The following PRKCSH variants were observed in gnomAD, a reference collection of about 807,000 sequenced individuals.
PRKCSH encodes glucosidase 2 subunit beta.
A neutral mutation model predicts 79.7 loss-of-function variants in PRKCSH; 42 were observed. That is an observed-to-expected ratio of 0.53 (90% CI 0.41 to 0.68). PRKCSH has a LOEUF of 0.68. PRKCSH is among the 30% of genes least tolerant of loss of function. PRKCSH has a pLI of 0.00. For missense variants in PRKCSH, 686 were observed against 709.0 expected, an observed-to-expected ratio of 0.97 and a Z score of 0.37; for synonymous variants, 325 against 288.2, an observed-to-expected ratio of 1.13 and a Z score of -1.29.
Position 11,436,426 on chromosome 19 carries a change from C to T in PRKCSH, c.117C>T (p.Cys39=). 6.2e-7 allele frequency: 1 copy of T among 1,614,214 alleles called. No homozygotes were observed. The highest frequency in any genetic ancestry group is 8.5e-7 in the Non-Finnish European group (1 of 1,180,042). Residue 39 remains cysteine (C), a synonymous_variant, in exon 3 of 18, where the codon TGC becomes TGT. Coordinates refer to ENST00000677123, the MANE Select transcript of PRKCSH (RefSeq NM_001289104.2). ...HFYDESKPFT[C]LDGSATIPFD... is the part of the protein sequence containing the mutation. Reference sequence around the variant, plus strand: ...ACGATGAGTCCAAGCCTTTCACCTGCCTGGACGGTTCGGCCACCATCCCAT... The same window carrying T: ...ACGATGAGTCCAAGCCTTTCACCTGTCTGGACGGTTCGGCCACCATCCCAT...
At position 11,447,668 on chromosome 19, in the gene PRKCSH, C is replaced by A; in HGVS notation, c.1030-25C>A. Reference sequence around the variant, plus strand: ...GACAGAGAGGGTGGGGGAAGGGCTACTCACTGACCCTGCCCCTGCCCCAGG... The same window carrying A: ...GACAGAGAGGGTGGGGGAAGGGCTAATCACTGACCCTGCCCCTGCCCCAGG... On this transcript the variant is annotated intron_variant, in intron 11 of 17. Coordinates refer to ENST00000677123, the MANE Select transcript of PRKCSH (RefSeq NM_001289104.2). The surrounding 1 kb of genome is among the most constrained non-coding windows in gnomAD (Gnocchi z 5.6). 1 of 1,563,670 alleles carries A rather than the reference C, an allele frequency of 6.4e-7. No homozygotes were observed. The highest frequency in any genetic ancestry group is 8.7e-7 in the Non-Finnish European group (1 of 1,153,600).
At chr19:11,441,931 G>C (rs1047782417) in intron 6 of PRKCSH, among the ~76,000 whole-genome samples, 3 of 152,202 alleles carry the variant, frequency 2.0e-5, no homozygotes, top group African/African-American at 7.2e-5. Context: ...TTCTTGCCCA[G>C]TTCCTCTCCC....
rs2144857761 is a variant in PRKCSH, at chr19:11,449,684, AG to A, written c.*16+258del. 5.8e-6 allele frequency: 3 copies of A among 514,414 alleles called. No homozygotes were observed. Among genetic ancestry groups the A allele is most frequent in the South Asian group, 4.1e-5 (2 of 48,852 alleles). 31.9% of individuals were successfully genotyped at this position (514,414 alleles called of 1,614,324 possible). A position where few individuals can be genotyped will look rare whatever the true frequency, so the allele number is the denominator to read the frequency against. On this transcript the variant is annotated intron_variant, in intron 17 of 17. Transcript: ENST00000677123. This position sits in a 1 kb window ranked among gnomAD's most constrained non-coding sequence, Gnocchi z 6.4. Reference sequence around the variant, plus strand: ...CAGCCTCCCAAGTAGCTGGGATTACAGGTGTGCACCACCATGCCTGGCTAAT... The same window carrying A: ...CAGCCTCCCAAGTAGCTGGGATTACAGTGTGCACCACCATGCCTGGCTAAT...
At chr19:11,436,707 A>G in intron 3 of PRKCSH, 1 of 574,906 alleles carries the variant, frequency 1.7e-6, no homozygotes, top group South Asian at 1.9e-5. Flanking sequence ...GGGGTCAGAG[A>G]AGGCTCCTCC....
At chr19:11,437,719 G>A (rs1470249219) in intron 3 of PRKCSH, among the ~76,000 whole-genome samples, 157 bp from the exon 4 acceptor site, 1 of 152,192 alleles carries the variant, frequency 6.6e-6, no homozygotes, top group Non-Finnish European at 1.5e-5. Flanking sequence ...TTTATTTCGA[G>A]CCCTGGCTGT....
Position 11,436,082 on chromosome 19 carries a change from A to G in PRKCSH, c.-36A>G, listed in dbSNP as rs764613768. The G allele has an allele frequency of 1.2e-6, 2 of 1,604,926 alleles. No individual in the cohort carries two copies. Among genetic ancestry groups the G allele is most frequent in the African/African-American group, 1.3e-5 (1 of 75,004 alleles). ...ATCTCCCCGCTGTAGGCTTCCTCCC[A>G]CAGAACCCGTTTCGGGCCTCAGAGC... On this transcript the variant is annotated 5_prime_UTR_variant, in exon 2 of 18. Transcript: ENST00000677123.
Position 11,442,474 on chromosome 19 carries a change from C to CAG in PRKCSH, c.566_567dup (p.Ala190ArgfsTer43), listed in dbSNP as rs749223361. ...ACAGTGAAGGAGGAAGCTGAGAAGC[C>CAG]AGAGAGAGAGGCCAAAGAGCAGCAC... On this transcript the variant is annotated frameshift_variant, in exon 7 of 18. Coordinates refer to ENST00000677123, the MANE Select transcript of PRKCSH (RefSeq NM_001289104.2). LOFTEE classifies it high-confidence loss of function. The CAG allele has an allele frequency of 6.8e-6, 11 of 1,611,940 alleles. No homozygotes were observed. Among genetic ancestry groups the CAG allele is most frequent in the Non-Finnish European group, 9.3e-6 (11 of 1,179,398 alleles).
In PRKCSH at chr19:11,449,345, T is replaced by G. The variant is rs1970477800; in HGVS notation, c.1541T>G (p.Met514Arg). 6.2e-7 allele frequency: 1 copy of G among 1,613,292 alleles called. No individual in the cohort carries two copies. Among genetic ancestry groups the G allele is most frequent in the South Asian group, 1.1e-5 (1 of 91,074 alleles). ...PSRCEYLMELMTPAACPEPPP... is the reference protein window; with the variant it reads ...PSRCEYLMELRTPAACPEPPP... ...CGCTGCGAGTACCTCATGGAGCTGA[T>G]GACGCCAGCCGCCTGCCCGGAGCCA... Residue 514 changes from methionine (M) to arginine (R), a missense_variant, in exon 17 of 18, where the codon ATG becomes AGG. Met to Arg is a moderately conservative substitution (Grantham distance 91). Transcript: ENST00000677123. This position sits in a 1 kb window ranked among gnomAD's most constrained non-coding sequence, Gnocchi z 6.4.
chr19:11,441,191 T>G, intron 5 of PRKCSH, 49 bp from the exon 6 acceptor site: 16 of 1,589,436 alleles, frequency 1.0e-5, no homozygotes, highest in Non-Finnish European at 1.4e-5. Flanking sequence ...GCAGACCTGG[T>G]GGATCCTAAG....
rs1969721597 is a variant in PRKCSH at position 11,436,174 on chromosome 19, G to T, written c.57G>T (p.Arg19Ser). Residue 19 changes from arginine (R) to serine (S), a missense_variant, in exon 2 of 18, where the codon AGG (arginine) becomes AGT (serine). Transcript: ENST00000677123. ...TGTGCTGGGCCGTGGAGGTCAAGAGGCCCCGGGGCGTCTCCCTCACCAGTG... is the reference window on the plus strand; with the variant it reads ...TGTGCTGGGCCGTGGAGGTCAAGAGTCCCCGGGGCGTCTCCCTCACCAGTG... Reference protein sequence around the residue: ...LPMCWAVEVKRPRGVSLTNHH... With the variant: ...LPMCWAVEVKSPRGVSLTNHH... 3 of 1,592,286 alleles carry T rather than the reference G, an allele frequency of 1.9e-6. No homozygotes were observed. The highest frequency in any genetic ancestry group is 2.6e-6 in the Non-Finnish European group (3 of 1,170,656).
rs547919069 is a variant in PRKCSH at position 11,436,421 on chromosome 19, A to G, written c.112A>G (p.Thr38Ala). ...CTTCTACGATGAGTCCAAGCCTTTC[A>G]CCTGCCTGGACGGTTCGGCCACCAT... ...HHFYDESKPF[T>A]CLDGSATIPF... is the part of the protein sequence containing the mutation. Residue 38 changes from threonine to alanine, a missense_variant, in exon 3 of 18, where the codon ACC becomes GCC. Around this residue, in one of 2 missense-constraint regions of PRKCSH, gnomAD observed 549 missense variants for 520.2 expected, o/e 1.06. Transcript: ENST00000677123. 151 of 1,614,128 alleles carry G rather than the reference A, an allele frequency of 9.4e-5. No individual in the cohort carries two copies. The highest frequency in any genetic ancestry group is 7.1e-5 in the Non-Finnish European group (84 of 1,180,020).
rs192334948 is a variant in PRKCSH at position 11,442,076 on chromosome 19, C to G, written c.469-310C>G. The stretch of plus-strand genomic sequence containing the variant: ...TGAAGGAACAGCATGTTTGAAGAAC[C>G]GGAGGCAGAAGAGCGTTTAGGGGTC... On this transcript the variant is annotated intron_variant, in intron 6 of 17. Coordinates refer to ENST00000677123, the MANE Select transcript of PRKCSH (RefSeq NM_001289104.2). 1.0e-3 allele frequency among the ~76,000 whole-genome samples: 157 copies of G among 152,264 alleles called. 2 individuals carry two copies. The highest frequency in any genetic ancestry group is 2.6e-4 in the Non-Finnish European group (18 of 68,032).
chr19:11,449,027 C>T lies in PRKCSH; in HGVS notation c.1361+39C>T. 1 of 1,613,048 alleles carries T rather than the reference C, an allele frequency of 6.2e-7. No homozygotes were observed. Among genetic ancestry groups the T allele is most frequent in the South Asian group, 1.1e-5 (1 of 91,088 alleles). On this transcript the variant is annotated intron_variant, in intron 15 of 17. Coordinates refer to ENST00000677123, the MANE Select transcript of PRKCSH (RefSeq NM_001289104.2). This position sits in a 1 kb window ranked among gnomAD's most constrained non-coding sequence, Gnocchi z 6.4. ...GCTGGCCCCTTCCCTCTGCCTCCTC[C>T]TGGTGCCCCGACACCGGCCCAGCCC...
chr19:11,442,193 T>C (rs1236821986), intron 6 of PRKCSH, among the ~76,000 whole-genome samples, 193 bp from the exon 7 acceptor site: 2 of 152,166 alleles, frequency 1.3e-5, no homozygotes, highest in Non-Finnish European at 2.9e-5. Flanking sequence ...CCTGGGCCCT[T>C]GCGGGCTACA....
In PRKCSH at chr19:11,448,444, G is replaced by T; in HGVS notation, c.1197-96G>T. The T allele has an allele frequency of 6.8e-7, 1 of 1,460,942 alleles. No individual in the cohort carries two copies. The highest frequency in any genetic ancestry group is 9.6e-7 in the Non-Finnish European group (1 of 1,044,880). 90.5% of individuals were successfully genotyped at this position (1,460,942 alleles called of 1,614,324 possible). Reference sequence around the variant, plus strand: ...GGGAGGTGGCAGGGAGGACAGCCTGGGCACCATTGCTCAGCCAGACCCTCC... The same window carrying T: ...GGGAGGTGGCAGGGAGGACAGCCTGTGCACCATTGCTCAGCCAGACCCTCC... On this transcript the variant is annotated intron_variant, in intron 13 of 17. Coordinates refer to ENST00000677123, the MANE Select transcript of PRKCSH (RefSeq NM_001289104.2). The surrounding 1 kb of genome is among the most constrained non-coding windows in gnomAD (Gnocchi z 4.4).
chr19:11,436,971 C>T (rs1969784547), intron 3 of PRKCSH, among the ~76,000 whole-genome samples: 1 of 152,236 alleles, frequency 6.6e-6, no homozygotes, highest in Non-Finnish European at 1.5e-5. Flanking sequence ...CATCCTCCTG[C>T]CTTGGCCTCC....
At chr19:11,440,144 C>T (rs1041871459) in intron 5 of PRKCSH, among the ~76,000 whole-genome samples, 2 of 151,620 alleles carry the variant, frequency 1.3e-5, no homozygotes, top group African/African-American at 4.8e-5. Flanking sequence ...TGAACACAAC[C>T]AACACACTTC....
At chr19:11,442,545 T>G in intron 7 of PRKCSH, 30 bp downstream of exon 7, 3 of 1,605,476 alleles carry the variant, frequency 1.9e-6, no homozygotes, top group Non-Finnish European at 2.6e-6. Flanking sequence ...GGACTCACCT[T>G]CAGTCCTGGG....
At chr19:11,442,253 GGAGA>G in intron 6 of PRKCSH, 129 bp from the exon 7 acceptor site, 1 of 1,353,702 alleles carries the variant, frequency 7.4e-7, no homozygotes, top group Non-Finnish European at 1.0e-6. Context: ...CCCCAGCTCG[GGAGA>G]GAGACCCAGC....
Sources: allele counts gnomAD v4.1 joint callset (sites outside exome capture counted in the v4.1 genomes callset), GRCh38; gene constraint gnomAD v4.1.1; regional missense constraint gnomAD v4.1.1; non-coding constraint Gnocchi (gnomAD v3.1); transcripts MANE v1.5; gene names NCBI Gene and HGNC (gene_info 2026-07-23, HGNC 2026-07-21).